COBL: variants seen among roughly 807,000 people sequenced by gnomAD.
The protein encoded by COBL is cordon-bleu WH2 repeat protein.
In COBL, 51 loss-of-function variants were observed where a neutral mutation model predicts 98.8. That is an observed-to-expected ratio of 0.52 (90% CI 0.41 to 0.65). The LOEUF is 0.65. COBL is among the 30% of genes least tolerant of loss of function. The probability of loss-of-function intolerance (pLI) is 0.00; values close to 1 mark genes in which losing one functional copy is unlikely to be tolerated. For missense variants in COBL, 1,617 were observed against 1,617.5 expected (o/e 1.00, Z 0.01); for synonymous variants, 634 against 651.7 (o/e 0.97, Z 0.41).
chr7:51,029,432 C>T lies in COBL; in HGVS notation c.1664G>A (p.Gly555Glu), dbSNP rs749059026. Residue 555 changes from glycine (G) to glutamate (E), a missense_variant, in exon 10 of 13, where the codon GGG becomes GAG. By Grantham distance (98) the Gly-to-Glu change is moderately conservative (BLOSUM62 -2). Transcript: ENST00000265136. ...GEVSDDPVDS[G>E]LFSNRNNNAG... is the part of the protein sequence containing the mutation. ...ATTGTTGTTTCTATTGGAAAACAAC[C>T]CCGAATCCACAGGATCATCTGAAAC... 6.2e-7 allele frequency: 1 copy of T among 1,614,076 alleles called. No individual in the cohort carries two copies. The highest frequency in any genetic ancestry group is 2.2e-5 in the East Asian group (1 of 44,874).
At chr7:51,158,485 G>C (rs1786425804) in intron 5 of COBL, among the ~76,000 whole-genome samples, 1 of 144,494 alleles carries the variant, frequency 6.9e-6, no homozygotes, top group Non-Finnish European at 1.5e-5. Flanking sequence ...TTAAGATGCA[G>C]AAATCAAGAA....
At chr7:51,039,790 G>A (rs1229639631) in intron 8 of COBL, among the ~76,000 whole-genome samples, 1 of 152,218 alleles carries the variant, frequency 6.6e-6, no homozygotes, top group African/African-American at 2.4e-5. Context: ...GCTTGCATAT[G>A]TGTTCCGTTT....
At chr7:51,233,225 TG>T (rs1563070204) in intron 1 of COBL, among the ~76,000 whole-genome samples, 1 of 152,230 alleles carries the variant, frequency 6.6e-6, no homozygotes, top group African/African-American at 2.4e-5. Flanking sequence ...AGAGACAGGC[TG>T]GCCAAATCAG....
chr7:51,156,642 G>T (rs1786158616), intron 5 of COBL: 1 of 948,604 alleles, frequency 1.1e-6, no homozygotes, highest in Admixed American at 6.3e-5. Context: ...CTAGTCATTT[G>T]TTCAGGCTAT....
chr7:51,108,668 G>A (rs1288870840), intron 6 of COBL, among the ~76,000 whole-genome samples: 1 of 152,068 alleles, frequency 6.6e-6, no homozygotes, highest in Non-Finnish European at 1.5e-5. Context: ...TTCCCTGTTA[G>A]CAGATGATCT....
chr7:51,194,598 T>G (rs1790421893), intron 2 of COBL, among the ~76,000 whole-genome samples: 1 of 152,166 alleles, frequency 6.6e-6, no homozygotes, highest in Non-Finnish European at 1.5e-5. Context: ...AAGTGTTCCT[T>G]TTTCTCTGCA....
chr7:51,150,816 TTGGGGAGAGTGCTC>T (rs775802549), intron 5 of COBL, among the ~76,000 whole-genome samples: 4 of 152,178 alleles, frequency 2.6e-5, no homozygotes, highest in Non-Finnish European at 4.4e-5. Context: ...GTACTAGATC[TTGGGGAGAGTGCTC>T]TATTTTTCTT....
chr7:51,260,563 G>A (rs1418497005), intron 1 of COBL, among the ~76,000 whole-genome samples: 1 of 152,220 alleles, frequency 6.6e-6, no homozygotes, highest in African/African-American at 2.4e-5. Context: ...TACAATGCTC[G>A]TGGAGCAGAT....
intron 1 of COBL, among the ~76,000 whole-genome samples, chr7:51,222,123 A>ATCT (rs1482141916): frequency 6.6e-6 from 1 of 152,226 alleles, no homozygotes; most frequent in Non-Finnish European, 1.5e-5. Context: ...TGGGAAGCAG[A>ATCT]GGTTGCAGTG....
intron 7 of COBL, among the ~76,000 whole-genome samples, chr7:51,079,081 G>A (rs1793376498): frequency 6.6e-6 from 1 of 152,128 alleles, no homozygotes; most frequent in African/African-American, 2.4e-5. Context: ...GTGGCAAGAG[G>A]CTACAAGAGG....
intron 5 of COBL, among the ~76,000 whole-genome samples, chr7:51,143,983 G>A (rs1315721352): frequency 6.6e-6 from 1 of 152,158 alleles, no homozygotes; most frequent in Non-Finnish European, 1.5e-5. Context: ...AGGGTTAAGA[G>A]GGTGGCCACA....
chr7:51,158,669 T>A (rs1422114838), intron 5 of COBL, among the ~76,000 whole-genome samples: 2 of 151,548 alleles, frequency 1.3e-5, no homozygotes, highest in East Asian at 2.0e-4. Context: ...TGGGAAAGTG[T>A]CCGCCCCTGC....
intron 5 of COBL, among the ~76,000 whole-genome samples, chr7:51,144,601 T>G (rs1261591319): frequency 6.6e-6 from 1 of 152,224 alleles, no homozygotes; most frequent in African/African-American, 2.4e-5. Context: ...TGGTGTTAAG[T>G]ACATTGACAC....
chr7:51,289,026 A>G (rs1800650289), intron 1 of COBL, among the ~76,000 whole-genome samples: 2 of 152,200 alleles, frequency 1.3e-5, no homozygotes, highest in Non-Finnish European at 2.9e-5. Flanking sequence ...GCATAATGAT[A>G]GCACAGAGAG....
chr7:51,309,075 C>T (rs113547411), intron 1 of COBL, among the ~76,000 whole-genome samples: 4 of 152,256 alleles, frequency 2.6e-5, no homozygotes, highest in African/African-American at 9.6e-5. Context: ...AGCCACATAC[C>T]CATCTGCACA....
chr7:51,150,578 T>C (rs1012861007), intron 5 of COBL, among the ~76,000 whole-genome samples: 1 of 152,210 alleles, frequency 6.6e-6, no homozygotes, highest in East Asian at 1.9e-4. Flanking sequence ...CTGGAGAAAC[T>C]ATGGGAGTCA....
intron 1 of COBL, among the ~76,000 whole-genome samples, chr7:51,247,375 AG>A (rs1193025442): frequency 1.1e-4 from 16 of 152,250 alleles, no homozygotes; most frequent in African/African-American, 3.9e-4. Flanking sequence ...TCTTTTGGAC[AG>A]GATCTCCTGA....
intron 7 of COBL, among the ~76,000 whole-genome samples, chr7:51,084,505 T>C (rs10247590): frequency 0.39 from 59,317 of 151,838 alleles, 12,172 homozygotes; most frequent in African/African-American, 0.52. Flanking sequence ...AAAAAGAAAA[T>C]GAACCCTTGA....
chr7:51,026,319 G>A (rs977902782), intron 11 of COBL, among the ~76,000 whole-genome samples: 1 of 152,262 alleles, frequency 6.6e-6, no homozygotes, highest in African/African-American at 2.4e-5. Flanking sequence ...CAAAGGCTGA[G>A]AGAGTGTCTG....
Sources: allele counts gnomAD v4.1 joint callset (sites outside exome capture counted in the v4.1 genomes callset), GRCh38; gene constraint gnomAD v4.1.1; transcripts MANE v1.5; gene names NCBI Gene and HGNC (gene_info 2026-07-23, HGNC 2026-07-21).